Variants in CEACAM21 observed in about 807,000 individuals in gnomAD.
The protein encoded by CEACAM21 is cell adhesion molecule CEACAM21.
Under a neutral mutation model 33.2 loss-of-function variants are expected in CEACAM21, and 38 were observed. The ratio of observed to expected loss-of-function variants is 1.14; its 90% CI spans 0.88 to 1.50. The LOEUF (loss-of-function observed/expected upper bound fraction) is 1.50, where lower values mean the gene tolerates loss of function less well. Among genes scored for constraint, CEACAM21 ranks in the 40% most tolerant of loss-of-function variants. The probability of loss-of-function intolerance (pLI) is 0.00; values close to 1 mark genes in which losing one functional copy is unlikely to be tolerated. For synonymous variants in CEACAM21, 156 were observed against 143.0 expected, an observed-to-expected ratio of 1.09 and a Z score of -0.65; for missense variants, 385 against 364.6, an observed-to-expected ratio of 1.06 and a Z score of -0.46.
chr19:41,576,367 G>A (rs1555791037), intron 1 of CEACAM21, 29 bp downstream of exon 1: 1 of 1,596,182 alleles, frequency 6.3e-7, no homozygotes, highest in South Asian at 1.1e-5. Context: ...GGGAGTGGGT[G>A]GGAGGAGGGA....
intron 6 of CEACAM21, 48 bp from the exon 7 acceptor site, chr19:41,586,416 T>G (rs782728780): frequency 1.6e-6 from 1 of 621,216 alleles, no homozygotes; most frequent in South Asian, 1.4e-5. Flanking sequence ...TGCCAGACCC[T>G]GTTCTGAGAA....
chr19:41,567,738 T>C (rs2042355163), intron 2 of CEACAM21, among the ~76,000 whole-genome samples: 1 of 152,208 alleles, frequency 6.6e-6, no homozygotes, highest in East Asian at 1.9e-4. Context: ...CATTGTAAAG[T>C]CAGCCAGAAA....
intron 3 of CEACAM21, 82 bp downstream of exon 3, chr19:41,579,710 T>C (rs2043233092): frequency 2.1e-6 from 2 of 960,834 alleles, no homozygotes; most frequent in Non-Finnish European, 3.0e-6. Flanking sequence ...ATACACGGAA[T>C]GAGAAGGATG....
chr19:41,578,588 A>G (rs1029137477), intron 2 of CEACAM21, among the ~76,000 whole-genome samples: 1 of 152,208 alleles, frequency 6.6e-6, no homozygotes, highest in African/African-American at 2.4e-5. Flanking sequence ...ATGTTGGTTC[A>G]GCTCCTTTCT....
intron 2 of CEACAM21, among the ~76,000 whole-genome samples, chr19:41,566,706 C>T (rs1445548403): frequency 6.6e-6 from 1 of 152,114 alleles, no homozygotes; most frequent in Non-Finnish European, 1.5e-5. Flanking sequence ...AAGTTTTAAA[C>T]CTTCTGAGAA....
At chr19:41,559,992 AAAAACAAAAC>A (rs142541290) in intron 1 of CEACAM21, among the ~76,000 whole-genome samples, 102 of 152,174 alleles carry the variant, frequency 6.7e-4, no homozygotes, top group Middle Eastern at 6.8e-3. Flanking sequence ...ACTTCCTCTC[AAAAACAAAAC>A]AAAACAAAAC....
At chr19:41,551,496 TGA>T (rs145966764) in intron 1 of CEACAM21, 4,368 of 150,688 alleles carry the variant, frequency 0.029, 205 homozygotes, top group African/African-American at 0.1. Flanking sequence ...CATGTTGGGG[TGA>T]GTCTCTGGGT....
chr19:41,573,387 C>T (rs1426781266), upstream of CEACAM21, among the ~76,000 whole-genome samples: 2 of 152,174 alleles, frequency 1.3e-5, no homozygotes, highest in Non-Finnish European at 1.5e-5. Context: ...CCCTTACAGT[C>T]AGGCCTTCCA....
upstream of CEACAM21, among the ~76,000 whole-genome samples, chr19:41,572,149 A>G (rs1555789669): frequency 6.6e-6 from 1 of 152,210 alleles, no homozygotes; most frequent in Non-Finnish European, 1.5e-5. Context: ...CTAAAACTAC[A>G]AAAGTGACAT....
chr19:41,554,145 A>T (rs2041396818), intron 1 of CEACAM21, among the ~76,000 whole-genome samples: 1 of 152,044 alleles, frequency 6.6e-6, no homozygotes, highest in Non-Finnish European at 1.5e-5. Context: ...CACTTCATGC[A>T]GTTAATTCCT....
In CEACAM21 at chr19:41,579,341, C is replaced by T. The variant is rs1555792390; in HGVS notation, c.425-12C>T. 1 of 1,613,988 alleles carries T rather than the reference C, an allele frequency of 6.2e-7. No homozygotes were observed. The highest frequency in any genetic ancestry group is 1.7e-5 in the Admixed American group (1 of 60,022). On this transcript the variant is annotated splice_polypyrimidine_tract_variant and intron_variant, in intron 2 of 6. Coordinates refer to ENST00000401445, the MANE Select transcript of CEACAM21 (RefSeq NM_001098506.4). ...GCCCCAAGACACTTTCTGTTGGTCA[C>T]TCTATCCACAGAGTCAGTGGCTCAG...
At chr19:41,586,171 CAGGG>C in intron 6 of CEACAM21, 1 of 588,338 alleles carries the variant, frequency 1.7e-6, no homozygotes, top group Non-Finnish European at 3.1e-6. Context: ...TACCCAGCAC[CAGGG>C]CAGCTGCTCT....
rs2043221451 is a variant in CEACAM21, at chr19:41,579,608, C to T, written c.680C>T (p.Pro227Leu). The change falls in exon 3 of 7, where the codon CCC (proline) becomes CTC (leucine). Residue 227 changes from proline (P) to leucine (L), a missense_variant. Physicochemically the swap from Pro to Leu is moderately conservative, Grantham distance 98. Coordinates refer to ENST00000401445, the MANE Select transcript of CEACAM21 (RefSeq NM_001098506.4). ...SNPVSSNRSD[P>L]LKLTVKSDDN... is the part of the protein sequence containing the mutation. Reference sequence around the variant, plus strand: ...CCAGTCAGCTCCAACAGGAGCGACCCCCTCAAGCTGACTGTAAAATGTGAG... The same window carrying T: ...CCAGTCAGCTCCAACAGGAGCGACCTCCTCAAGCTGACTGTAAAATGTGAG... 6.4e-7 allele frequency: 1 copy of T among 1,563,780 alleles called. No individual in the cohort carries two copies.
In CEACAM21 at chr19:41,586,734, G is replaced by C. The variant is rs184226159; in HGVS notation, c.*271G>C. On this transcript the variant is annotated 3_prime_UTR_variant, in exon 7 of 7. Coordinates refer to ENST00000401445, the MANE Select transcript of CEACAM21 (RefSeq NM_001098506.4). ...CCCCGGGCTCTGGGTGGGCCAAGGC[G>C]AAGGCTTCCCATCACCACAGGAAGT... 135 of 372,966 alleles carry C rather than the reference G, an allele frequency of 3.6e-4. No individual in the cohort carries two copies. The highest frequency in any genetic ancestry group is 2.7e-3 in the African/African-American group (128 of 47,248). 23.1% of individuals were successfully genotyped at this position (372,966 alleles called of 1,614,324 possible).
rs369602550 is a variant in CEACAM21, at chr19:41,581,583, A to T, written c.700+1955A>T. Among the ~76,000 whole-genome samples, 59 of 152,152 alleles carry T rather than the reference A, an allele frequency of 3.9e-4. 1 individual carries two copies. Among genetic ancestry groups the T allele is most frequent in the Non-Finnish European group, 7.3e-5 (5 of 68,028 alleles). On this transcript the variant is annotated intron_variant, in intron 3 of 6. Transcript: ENST00000401445. ...ATACCTGAGACTGGGTAATTTTTTT[A>T]AAAATGAGGTTTAATTGACTTACAG...
chr19:41,585,305 C>T, intron 4 of CEACAM21, 138 bp from the exon 5 acceptor site: 3 of 846,442 alleles, frequency 3.5e-6, no homozygotes, highest in Admixed American at 2.1e-5. Context: ...ACCTGGGCCC[C>T]TCCTACCACA....
chr19:41,567,534 G>C (rs141857707), intron 2 of CEACAM21, among the ~76,000 whole-genome samples: 279 of 152,262 alleles, frequency 1.8e-3, no homozygotes, highest in African/African-American at 6.5e-3. Context: ...TGCATAAAAG[G>C]GTGCCCCCTT....
intron 2 of CEACAM21, among the ~76,000 whole-genome samples, chr19:41,568,899 A>C (rs1049507337): frequency 2.6e-5 from 4 of 152,214 alleles, no homozygotes; most frequent in African/African-American, 9.7e-5. Flanking sequence ...TGGTAAGGAC[A>C]TTTTAGCAAT....
At chr19:41,580,730 A>C (rs188488522) in intron 3 of CEACAM21, among the ~76,000 whole-genome samples, 370 of 152,346 alleles carry the variant, frequency 2.4e-3, no homozygotes, top group African/African-American at 8.0e-3. Context: ...CTTCAAACCC[A>C]GTCCTTTTGG....
Sources: allele counts gnomAD v4.1 joint callset (sites outside exome capture counted in the v4.1 genomes callset), GRCh38; gene constraint gnomAD v4.1.1; transcripts MANE v1.5; gene names NCBI Gene and HGNC (gene_info 2026-07-23, HGNC 2026-07-21).